The following CDH12 variants were observed in gnomAD, a reference collection of about 807,000 sequenced individuals.
CDH12 encodes the protein cadherin 12, also known as cadherin-12.
CDH12 carries 41 observed loss-of-function variants against 74.1 expected under a neutral mutation model. The observed-to-expected ratio is 0.55, with a 90% CI of 0.43 to 0.72. The LOEUF is 0.72. Ranked by LOEUF, CDH12 falls within the 30% of genes least tolerant of loss-of-function variation. CDH12 has a pLI of 0.00. For missense variants in CDH12, 945 were observed against 977.2 expected (o/e 0.97, Z 0.44); for synonymous variants, 399 against 355.0 (o/e 1.12, Z -1.39).
chr5:22,575,466 C>T (rs1447444583), intron 1 of CDH12, among the ~76,000 whole-genome samples: 1 of 151,898 alleles, frequency 6.6e-6, no homozygotes, highest in Non-Finnish European at 1.5e-5. Flanking sequence ...GACCATGGCT[C>T]TCTGCAGCCT....
intron 2 of CDH12, among the ~76,000 whole-genome samples, chr5:22,409,809 G>A (rs141309262): frequency 5.8e-4 from 88 of 152,164 alleles, no homozygotes; most frequent in African/African-American, 2.0e-3. Flanking sequence ...CCCATGACTA[G>A]TGGTCAGCCT....
At chr5:21,857,170 TA>T (rs1554038060) in intron 6 of CDH12, among the ~76,000 whole-genome samples, 1 of 151,890 alleles carries the variant, frequency 6.6e-6, no homozygotes, top group Non-Finnish European at 1.5e-5. Context: ...CTGACACTAT[TA>T]AACACTAAAT....
intron 3 of CDH12, among the ~76,000 whole-genome samples, chr5:22,330,976 G>T (rs777078956): frequency 6.6e-6 from 1 of 151,900 alleles, no homozygotes; most frequent in African/African-American, 2.4e-5. Flanking sequence ...CTGATGGAAC[G>T]GCCTTTGGGC....
intron 5 of CDH12, among the ~76,000 whole-genome samples, chr5:21,984,747 C>A (rs57679646): frequency 0.28 from 42,923 of 151,996 alleles, 9,402 homozygotes; most frequent in African/African-American, 0.61. Flanking sequence ...GTAAAACTTG[C>A]AATCAACAGA....
chr5:22,406,772 G>A (rs1742957804), intron 2 of CDH12, among the ~76,000 whole-genome samples: 1 of 151,908 alleles, frequency 6.6e-6, no homozygotes, highest in East Asian at 1.9e-4. Flanking sequence ...TTTTCAGATT[G>A]TTCAAAAAAA....
chr5:21,941,990 A>G (rs1177580300), intron 6 of CDH12, among the ~76,000 whole-genome samples: 2 of 152,206 alleles, frequency 1.3e-5, no homozygotes, highest in Admixed American at 6.5e-5. Flanking sequence ...ACATTGTAGA[A>G]GCAATTATTT....
intron 13 of CDH12, 67 bp from the exon 14 acceptor site, chr5:21,755,909 T>A (rs1206829220): frequency 8.9e-6 from 13 of 1,465,404 alleles, no homozygotes; most frequent in Non-Finnish European, 1.1e-5. Context: ...CAAGTTGGTA[T>A]CTGCTCAATA....
intron 2 of CDH12, among the ~76,000 whole-genome samples, chr5:22,418,555 C>G (rs1321728816): frequency 1.3e-5 from 2 of 152,052 alleles, no homozygotes; most frequent in African/African-American, 4.8e-5. Flanking sequence ...CAATTTTTGC[C>G]CATTCAGTAT....
chr5:21,997,134 G>A (rs1736346168), intron 5 of CDH12, among the ~76,000 whole-genome samples: 1 of 151,914 alleles, frequency 6.6e-6, no homozygotes, highest in African/African-American at 2.4e-5. Context: ...CTAAACCTTG[G>A]GATATTAAAG....
chr5:22,109,657 C>A (rs780615215), intron 4 of CDH12, among the ~76,000 whole-genome samples: 1 of 152,130 alleles, frequency 6.6e-6, no homozygotes, highest in Non-Finnish European at 1.5e-5. Flanking sequence ...ATTGGAAACA[C>A]TCTGAATTTT....
chr5:21,898,519 G>A (rs546983353), intron 6 of CDH12, among the ~76,000 whole-genome samples: 2 of 151,932 alleles, frequency 1.3e-5, no homozygotes, highest in African/African-American at 4.8e-5. Context: ...TGGCTGACAC[G>A]GTGAAACCCC....
intron 8 of CDH12, among the ~76,000 whole-genome samples, chr5:21,828,574 C>G (rs772603329): frequency 3.3e-5 from 5 of 152,064 alleles, no homozygotes; most frequent in Non-Finnish European, 2.9e-5. Flanking sequence ...TTCTTTTAGA[C>G]AAAACTAATT....
intron 5 of CDH12, among the ~76,000 whole-genome samples, chr5:22,014,673 C>T (rs1040331334): frequency 6.6e-6 from 1 of 151,970 alleles, no homozygotes; most frequent in Non-Finnish European, 1.5e-5. Context: ...GCATAGATAA[C>T]AAATAATACA....
chr5:21,783,250 A>G (rs1746009515), intron 11 of CDH12, 108 bp downstream of exon 11: 2 of 948,982 alleles, frequency 2.1e-6, no homozygotes, highest in South Asian at 3.3e-5. Flanking sequence ...CCGCGAGACC[A>G]CTCAGCTGTC....
At chr5:22,452,721 T>A (rs1448023196) in intron 2 of CDH12, among the ~76,000 whole-genome samples, 3 of 151,154 alleles carry the variant, frequency 2.0e-5, no homozygotes, top group Admixed American at 6.6e-5. Context: ...AATAGGCAAA[T>A]GGGATTATAT....
At chr5:22,709,282 A>G (rs762881418) in intron 1 of CDH12, among the ~76,000 whole-genome samples, 3 of 152,098 alleles carry the variant, frequency 2.0e-5, no homozygotes, top group African/African-American at 4.8e-5. Context: ...TTGAAAAGCT[A>G]TATTTGTTAC....
At chr5:22,286,841 T>C (rs1256606368) in intron 3 of CDH12, among the ~76,000 whole-genome samples, 2 of 152,210 alleles carry the variant, frequency 1.3e-5, no homozygotes, top group Non-Finnish European at 2.9e-5. Flanking sequence ...TCATTGTTTA[T>C]ATATGTGTTG....
At chr5:22,122,552 G>A (rs898330228) in intron 4 of CDH12, among the ~76,000 whole-genome samples, 4 of 151,542 alleles carry the variant, frequency 2.6e-5, no homozygotes, top group South Asian at 2.1e-4. Context: ...TCTTTTCCTC[G>A]TAGTACACAG....
At chr5:22,666,308 G>A (rs1430442672) in intron 1 of CDH12, among the ~76,000 whole-genome samples, 3 of 52,132 alleles carry the variant, frequency 5.8e-5, no homozygotes, top group Middle Eastern at 0.017. Context: ...TTTTGTTTTT[G>A]AGACGGAGTC....
Sources: gnomAD v4.1 joint callset for allele counts (sites outside exome capture counted in the v4.1 genomes callset) on GRCh38, gnomAD v4.1.1 for gene constraint, MANE v1.5 for transcripts, NCBI Gene and HGNC (gene_info 2026-07-23, HGNC 2026-07-21) for gene names.